Variants in CNTNAP2 observed in about 807,000 individuals in gnomAD.
CNTNAP2 encodes contactin associated protein 2.
CNTNAP2 carries 98 observed loss-of-function variants against 155.2 expected under a neutral mutation model. The ratio of observed to expected loss-of-function variants is 0.63; its 90% CI spans 0.54 to 0.75. CNTNAP2 has a LOEUF of 0.75. Ranked by LOEUF, CNTNAP2 falls within the 30% of genes least tolerant of loss-of-function variation. CNTNAP2 has a pLI of 0.00. For synonymous variants in CNTNAP2, 651 were observed against 631.2 expected, an observed-to-expected ratio of 1.03 and a Z score of -0.47; for missense variants, 1,727 against 1,688.1, an observed-to-expected ratio of 1.02 and a Z score of -0.40.
intron 15 of CNTNAP2, among the ~76,000 whole-genome samples, chr7:147,998,975 A>G (rs1801854053): frequency 6.6e-6 from 1 of 152,242 alleles, no homozygotes; most frequent in African/African-American, 2.4e-5. Flanking sequence ...AATAAAACAA[A>G]CATTGCCAAT....
chr7:148,072,397 G>C (rs1485437732), intron 15 of CNTNAP2, among the ~76,000 whole-genome samples: 1 of 151,124 alleles, frequency 6.6e-6, no homozygotes, highest in East Asian at 2.0e-4. Context: ...TGTGAGAGCA[G>C]AAGTAGACAA....
intron 1 of CNTNAP2, among the ~76,000 whole-genome samples, chr7:146,340,384 A>G (rs1801361214): frequency 6.6e-6 from 1 of 151,034 alleles, no homozygotes; most frequent in African/African-American, 2.4e-5. Flanking sequence ...AACCAAATTA[A>G]TGATGTTTTT....
intron 1 of CNTNAP2, among the ~76,000 whole-genome samples, chr7:146,716,098 A>G (rs543044156): frequency 6.6e-6 from 1 of 151,898 alleles, no homozygotes; most frequent in African/African-American, 2.4e-5. Flanking sequence ...TTTTTGGCAC[A>G]TGGGACTGGA....
chr7:147,369,450 C>T (rs1052084311), intron 9 of CNTNAP2, among the ~76,000 whole-genome samples: 2 of 152,266 alleles, frequency 1.3e-5, no homozygotes, highest in Admixed American at 6.5e-5. Flanking sequence ...CTACTACACA[C>T]ATCCACCAGC....
At chr7:146,347,990 C>G (rs1467902662) in intron 1 of CNTNAP2, among the ~76,000 whole-genome samples, 1 of 152,118 alleles carries the variant, frequency 6.6e-6, no homozygotes, top group Non-Finnish European at 1.5e-5. Flanking sequence ...TATTAACGGC[C>G]CTGCGAGACT....
intron 3 of CNTNAP2, among the ~76,000 whole-genome samples, chr7:146,985,308 A>ATTTTTTT (rs71165057): frequency 1.8e-4 from 23 of 127,824 alleles, no homozygotes; most frequent in African/African-American, 7.2e-4. Context: ...AAATGCTTGA[A>ATTTTTTT]TTTTTTTTTT....
chr7:147,453,748 C>G (rs1160550625), intron 10 of CNTNAP2, among the ~76,000 whole-genome samples: 2 of 151,902 alleles, frequency 1.3e-5, no homozygotes, highest in Non-Finnish European at 2.9e-5. Flanking sequence ...CAAGTTTATC[C>G]AAGTAACAAA....
chr7:148,213,242 G>C (rs1795579229), intron 18 of CNTNAP2, among the ~76,000 whole-genome samples: 1 of 152,138 alleles, frequency 6.6e-6, no homozygotes, highest in African/African-American at 2.4e-5. Context: ...CTGGGACTAG[G>C]CCTGGGGACC....
intron 8 of CNTNAP2, among the ~76,000 whole-genome samples, chr7:147,183,949 G>T (rs556465046): frequency 6.6e-6 from 1 of 152,308 alleles, no homozygotes; most frequent in Non-Finnish European, 1.5e-5. Flanking sequence ...GTAGTGATCA[G>T]TGATGCATTG....
chr7:146,905,412 T>C (rs1056987222), intron 3 of CNTNAP2, among the ~76,000 whole-genome samples: 1 of 152,164 alleles, frequency 6.6e-6, no homozygotes, highest in African/African-American at 2.4e-5. Context: ...TACAGAATTC[T>C]TTCTACATTC....
intron 18 of CNTNAP2, among the ~76,000 whole-genome samples, chr7:148,206,200 T>G (rs929719629): frequency 1.4e-5 from 2 of 148,050 alleles, no homozygotes; most frequent in Non-Finnish European, 3.0e-5. Context: ...GAATTACATA[T>G]AATATATATT....
At chr7:146,379,071 G>C (rs1795345022) in intron 1 of CNTNAP2, among the ~76,000 whole-genome samples, 1 of 152,210 alleles carries the variant, frequency 6.6e-6, no homozygotes, top group Non-Finnish European at 1.5e-5. Context: ...ACAAGGCACA[G>C]TGTGTGTGGG....
At chr7:146,948,250 A>G (rs1797231981) in intron 3 of CNTNAP2, among the ~76,000 whole-genome samples, 1 of 151,778 alleles carries the variant, frequency 6.6e-6, no homozygotes, top group Non-Finnish European at 1.5e-5. Flanking sequence ...ATTTTCTCCT[A>G]TGACTCTGGG....
intron 1 of CNTNAP2, among the ~76,000 whole-genome samples, chr7:146,273,086 AAGAGAG>A (rs58582637): frequency 2.8e-4 from 38 of 138,066 alleles, no homozygotes; most frequent in South Asian, 6.9e-4. Context: ...GAGAAAGAGA[AAGAGAG>A]AGAGAGAGAG....
chr7:147,447,808 ATATAG>A (rs1797765898), intron 10 of CNTNAP2, among the ~76,000 whole-genome samples: 2 of 151,678 alleles, frequency 1.3e-5, no homozygotes, highest in Admixed American at 6.6e-5. Context: ...TATATAGTAT[ATATAG>A]TATATGTACA....
chr7:146,899,250 T>G (rs1795943600), intron 3 of CNTNAP2, among the ~76,000 whole-genome samples: 1 of 152,118 alleles, frequency 6.6e-6, no homozygotes, highest in African/African-American at 2.4e-5. Context: ...CTTCCCAAAT[T>G]CCATCTCCAT....
intron 12 of CNTNAP2, among the ~76,000 whole-genome samples, chr7:147,594,910 G>A (rs1800800251): frequency 6.6e-6 from 1 of 152,092 alleles, no homozygotes; most frequent in Admixed American, 6.6e-5. Context: ...AGAGAAAGCG[G>A]AAGGAGAGAG....
intron 1 of CNTNAP2, among the ~76,000 whole-genome samples, chr7:146,364,616 A>G (rs1027208446): frequency 2.0e-5 from 3 of 152,218 alleles, no homozygotes; most frequent in Non-Finnish European, 4.4e-5. Context: ...AAAATAAGTT[A>G]AAGGACTCCG....
chr7:146,936,510 A>G (rs962081590), intron 3 of CNTNAP2, among the ~76,000 whole-genome samples: 2 of 152,192 alleles, frequency 1.3e-5, no homozygotes, highest in South Asian at 4.1e-4. Flanking sequence ...GTTTTGGCCA[A>G]TCTCTCAAAA....
Sources: gnomAD v4.1 joint callset for allele counts (sites outside exome capture counted in the v4.1 genomes callset) on GRCh38, gnomAD v4.1.1 for gene constraint, MANE v1.5 for transcripts, NCBI Gene and HGNC (gene_info 2026-07-23, HGNC 2026-07-21) for gene names.